Variants in MAOB observed in about 807,000 individuals in gnomAD.
MAOB encodes the protein monoamine oxidase B.
Under a neutral mutation model 41.9 loss-of-function variants are expected in MAOB, and 15 were observed. The ratio of observed to expected loss-of-function variants is 0.36; its 90% CI spans 0.24 to 0.55. The LOEUF is 0.55. Among genes scored for constraint, MAOB ranks in the 20% least tolerant of loss-of-function variants. The pLI is 0.86. For missense variants in MAOB, 345 were observed against 398.7 expected (o/e 0.87, Z 1.15); for synonymous variants, 167 against 144.2 (o/e 1.16, Z -1.13).
chrX:43,841,443 A>C (rs2035135849), intron 2 of MAOB, among the ~76,000 whole-genome samples: 1 of 112,145 alleles, frequency 8.9e-6, no homozygotes, highest in South Asian at 3.7e-4. Context: ...ATCCATGTTC[A>C]TGGATTGGGA....
intron 3 of MAOB, among the ~76,000 whole-genome samples, chrX:43,826,870 G>A (rs1209167688): frequency 8.9e-6 from 1 of 112,109 alleles, no homozygotes; most frequent in Non-Finnish European, 1.9e-5. Flanking sequence ...CAAAACTGTT[G>A]CACTGGGGAT....
At chrX:43,770,943 A>T (rs1476675997) in intron 12 of MAOB, among the ~76,000 whole-genome samples, 3 of 111,677 alleles carry the variant, frequency 2.7e-5, no homozygotes, top group Non-Finnish European at 5.6e-5. Context: ...GCCATTATTC[A>T]TCCTGTCTCA....
chrX:43,866,535 A>G (rs2035366441), intron 1 of MAOB, among the ~76,000 whole-genome samples: 1 of 111,825 alleles, frequency 8.9e-6, no homozygotes, highest in Non-Finnish European at 1.9e-5. Flanking sequence ...CAGAAAGTAG[A>G]ATGATGGTTG....
chrX:43,807,136 A>G (rs985301629), intron 3 of MAOB, among the ~76,000 whole-genome samples: 2 of 112,094 alleles, frequency 1.8e-5, no homozygotes, highest in Non-Finnish European at 3.8e-5. Flanking sequence ...TACAACTTGC[A>G]TGCTGACCTG....
intron 3 of MAOB, among the ~76,000 whole-genome samples, chrX:43,804,612 A>G (rs2034639430): frequency 8.9e-6 from 1 of 111,755 alleles, no homozygotes; most frequent in South Asian, 3.8e-4. Context: ...TATTTTAAGG[A>G]ATTAGCTCAT....
chrX:43,826,069 T>C (rs955923875), intron 3 of MAOB, among the ~76,000 whole-genome samples: 5 of 112,606 alleles, frequency 4.4e-5, no homozygotes, highest in African/African-American at 1.6e-4. Context: ...TTTGTTTGTT[T>C]ATATCCTCCC....
chrX:43,864,895 T>C (rs899053132), intron 1 of MAOB, among the ~76,000 whole-genome samples: 11 of 111,630 alleles, frequency 9.9e-5, no homozygotes, highest in Non-Finnish European at 2.1e-4. Flanking sequence ...CTACCCTCTA[T>C]CCAGGAGGCA....
chrX:43,837,747 G>A (rs988889596), intron 3 of MAOB: 5 of 264,075 alleles, frequency 1.9e-5, no homozygotes, highest in Admixed American at 8.0e-5. Context: ...CTACCAGTGA[G>A]GAATAAGTTC....
At position 43,767,605 on chromosome X, in the gene MAOB, T is replaced by A. The variant is rs766251341; in HGVS notation, c.1424A>T (p.Gln475Leu). Residue 475 changes from glutamine to leucine, a missense_variant, in exon 15 of 15, where the codon CAG becomes CTG. By Grantham distance (113) the Gln-to-Leu change is moderately radical (BLOSUM62 -2). Transcript: ENST00000378069. Reference sequence around the variant, plus strand: ...CTCCAAAAAGGTGGTGGTGATGGGCTGTGCAGGGACATCCTAGGTTCAGAA... The same window carrying A: ...CTCCAAAAAGGTGGTGGTGATGGGCAGTGCAGGGACATCCTAGGTTCAGAA... ...SEPESVDVPA[Q>L]PITTTFLERH... is the part of the protein sequence containing the mutation. The A allele has an allele frequency of 8.3e-7, 1 of 1,208,960 alleles. No individual in the cohort carries two copies. The highest frequency in any genetic ancestry group is 3.0e-5 in the East Asian group (1 of 33,750).
At chrX:43,843,075 AT>A (rs771500896) in intron 2 of MAOB, among the ~76,000 whole-genome samples, 2 of 111,529 alleles carry the variant, frequency 1.8e-5, no homozygotes, top group South Asian at 7.5e-4. Flanking sequence ...ACCACAAAAA[AT>A]GTCAAGAAAG....
At chrX:43,793,282 G>A (rs776720089) in intron 8 of MAOB, 137 bp downstream of exon 8, 6 of 462,575 alleles carry the variant, frequency 1.3e-5, no homozygotes, top group Non-Finnish European at 2.2e-5. Flanking sequence ...TCAGCATCAT[G>A]CAACATATCC....
At chrX:43,782,421 C>A (rs2034345187) in intron 8 of MAOB, among the ~76,000 whole-genome samples, 2 of 111,242 alleles carry the variant, frequency 1.8e-5, no homozygotes, top group Admixed American at 1.9e-4. Flanking sequence ...GACACATACA[C>A]CCTCCCAAGA....
intron 1 of MAOB, among the ~76,000 whole-genome samples, chrX:43,877,303 C>T (rs1044616155): frequency 2.7e-5 from 3 of 110,751 alleles, no homozygotes; most frequent in Non-Finnish European, 3.8e-5. Flanking sequence ...ATTGTCAATG[C>T]CAAGCCAAGC....
Position 43,852,613 on chromosome X carries a change from T to C in MAOB, c.47-8849A>G, listed in dbSNP as rs192618033. On this transcript the variant is annotated intron_variant, in intron 1 of 14. Transcript: ENST00000378069. Reference sequence around the variant, plus strand: ...ATAGTAAGAGAATTCTGGAAAAAAGTTAAACTGGTTTCTATTCCGCTGGAC... The same window carrying C: ...ATAGTAAGAGAATTCTGGAAAAAAGCTAAACTGGTTTCTATTCCGCTGGAC... Among the ~76,000 whole-genome samples the C allele has an allele frequency of 3.6e-5, 4 of 112,100 alleles. No homozygotes were observed. The Admixed American group carries it at 3.8e-4, about 11-fold the overall frequency.
intron 1 of MAOB, among the ~76,000 whole-genome samples, chrX:43,857,168 A>AAGAAGAGAG (rs1555968517): frequency 8.0e-5 from 2 of 24,872 alleles, no homozygotes; most frequent in East Asian, 3.0e-3. Flanking sequence ...GAGAGAGAAG[A>AAGAAGAGAG]AGAGAGAGAG....
chrX:43,869,269 G>T (rs748808968), intron 1 of MAOB, among the ~76,000 whole-genome samples: 4 of 111,560 alleles, frequency 3.6e-5, no homozygotes, highest in Non-Finnish European at 3.8e-5. Flanking sequence ...GTTCCCACTG[G>T]ACTTTAAATA....
chrX:43,789,412 T>C (rs1265773974), intron 8 of MAOB, among the ~76,000 whole-genome samples: 2 of 112,538 alleles, frequency 1.8e-5, no homozygotes, highest in Non-Finnish European at 3.7e-5. Flanking sequence ...TTTATTTCTG[T>C]AATTTAGAAA....
chrX:43,810,033 G>A (rs1450249646), intron 3 of MAOB, among the ~76,000 whole-genome samples: 1 of 99,112 alleles, frequency 1.0e-5, no homozygotes, highest in African/African-American at 4.6e-5. Flanking sequence ...CACGAGGTCA[G>A]GAGATCGAGA....
intron 5 of MAOB, 127 bp from the exon 6 acceptor site, chrX:43,797,393 G>T: frequency 2.2e-6 from 1 of 452,368 alleles, no homozygotes; most frequent in Non-Finnish European, 3.3e-6. Context: ...TCAAAAAATT[G>T]TCACTAGAAT....
Sources: allele counts gnomAD v4.1 joint callset (sites outside exome capture counted in the v4.1 genomes callset), GRCh38; gene constraint gnomAD v4.1.1; transcripts MANE v1.5; gene names NCBI Gene and HGNC (gene_info 2026-07-23, HGNC 2026-07-21).